The following NFIB variants were observed in gnomAD, a reference collection of about 807,000 sequenced individuals.
NFIB encodes nuclear factor I B.
A neutral mutation model predicts 61.5 loss-of-function variants in NFIB; 11 were observed. The observed-to-expected ratio is 0.18, with a 90% CI of 0.11 to 0.30. The LOEUF is 0.30. NFIB is among the 10% of genes least tolerant of loss of function. The pLI is 1.00. For missense variants in NFIB, 471 were observed against 608.9 expected (o/e 0.77, Z 2.38); for synonymous variants, 260 against 216.5 (o/e 1.20, Z -1.76).
chr9:14,458,323 A>C, the NFIB span, among the ~76,000 whole-genome samples: 1 of 152,246 alleles, frequency 6.6e-6, no homozygotes, highest in African/African-American at 2.4e-5. Flanking sequence ...ACTGCCCTTC[A>C]TGCTAAAAAC....
At chr9:14,129,139 C>G (rs773709909) in intron 6 of NFIB, among the ~76,000 whole-genome samples, 1 of 152,076 alleles carries the variant, frequency 6.6e-6, no homozygotes, top group Non-Finnish European at 1.5e-5. Context: ...GAACCACAAA[C>G]TCTTTCCTTA....
In NFIB at chr9:14,340,411, G is replaced by A. The variant is rs143994520; in HGVS notation, c.109-32891C>T. Among the ~76,000 whole-genome samples the A allele has an allele frequency of 6.1e-3, 922 of 152,228 alleles. 8 individuals carry two copies. The highest frequency in any genetic ancestry group is 9.4e-3 in the Admixed American group (143 of 15,284). Reference sequence around the variant, plus strand: ...AGGGGAACTTGTAAAAAAGAATACCGATGCCCACACCACACTCGTAGCAAT... The same window carrying A: ...AGGGGAACTTGTAAAAAAGAATACCAATGCCCACACCACACTCGTAGCAAT... On this transcript the variant is annotated intron_variant, in intron 1 of 8. Coordinates refer to the NFIB transcript ENST00000380934.
the NFIB span, among the ~76,000 whole-genome samples, chr9:14,449,641 A>G: frequency 1.3e-5 from 2 of 152,118 alleles, no homozygotes; most frequent in African/African-American, 4.8e-5. Flanking sequence ...AGACAAAAAT[A>G]TTTCTCGACC....
chr9:14,295,564 G>C (rs987291201), intron 2 of NFIB, among the ~76,000 whole-genome samples: 72 of 152,110 alleles, frequency 4.7e-4, no homozygotes, highest in African/African-American at 1.7e-3. Flanking sequence ...CCGGGAGGCG[G>C]AGCTTACAGT....
intron 2 of NFIB, chr9:14,204,605 A>G: frequency 1.1e-6 from 1 of 925,354 alleles, no homozygotes; most frequent in Non-Finnish European, 1.7e-6. Context: ...CCGGGCGGAG[A>G]AGAAAGCGCC....
chr9:14,295,016 T>A (rs1275735399), intron 2 of NFIB, among the ~76,000 whole-genome samples: 3 of 152,172 alleles, frequency 2.0e-5, no homozygotes, highest in Non-Finnish European at 4.4e-5. Context: ...AAATCACAGT[T>A]TCGTAAGAAG....
upstream of NFIB, among the ~76,000 whole-genome samples, chr9:14,315,488 C>T (rs1012057343): frequency 9.9e-4 from 146 of 147,156 alleles, no homozygotes; most frequent in Admixed American, 2.2e-3. Context: ...CGGAAAGCGT[C>T]TCCCTACCCG....
chr9:14,477,919 C>T, the NFIB span, among the ~76,000 whole-genome samples: 1 of 152,148 alleles, frequency 6.6e-6, no homozygotes, highest in Admixed American at 6.5e-5. Flanking sequence ...TGGCTGATGT[C>T]TTCCAGACCC....
intron 1 of NFIB, among the ~76,000 whole-genome samples, chr9:14,384,512 C>T (rs925342680): frequency 5.9e-5 from 9 of 152,176 alleles, no homozygotes; most frequent in African/African-American, 2.2e-4. Flanking sequence ...CTTTCCAAAC[C>T]TGATCCTTGC....
intron 3 of NFIB, among the ~76,000 whole-genome samples, chr9:14,178,055 C>T (rs56825695): frequency 9.5e-4 from 144 of 152,234 alleles, no homozygotes; most frequent in African/African-American, 3.3e-3. Context: ...CATTCAAATG[C>T]AGAAAACATA....
chr9:14,466,932 G>C, the NFIB span, among the ~76,000 whole-genome samples: 1 of 152,118 alleles, frequency 6.6e-6, no homozygotes, highest in Admixed American at 6.5e-5. Context: ...GCTGGGGTTA[G>C]GAAATTAAGA....
chr9:14,147,960 A>G (rs2042450559), intron 5 of NFIB, among the ~76,000 whole-genome samples: 1 of 152,062 alleles, frequency 6.6e-6, no homozygotes, highest in South Asian at 2.1e-4. Flanking sequence ...ACATTTTAAT[A>G]TGGAAATATG....
In NFIB at chr9:14,217,660, C is replaced by CAAAAAAAAAAAAAAAAAA. The variant is rs34055171; in HGVS notation, c.563-37898_563-37881dup. On this transcript the variant is annotated intron_variant, in intron 2 of 10. Coordinates refer to ENST00000380953, the MANE Select transcript of NFIB (RefSeq NM_001190737.2). ...GGGCAACAAGAGTGAAACTCCATCT[C>CAAAAAAAAAAAAAAAAAA]AAAAAAAAAAAAAAAAAAAAAGACA... Among the ~76,000 whole-genome samples, 157 of 81,470 alleles carry CAAAAAAAAAAAAAAAAAA rather than the reference C, an allele frequency of 1.9e-3. 1 individual carries two copies. Among genetic ancestry groups the CAAAAAAAAAAAAAAAAAA allele is most frequent in the East Asian group, 0.013 (23 of 1,832 alleles). The allele number at this position is 81,470 out of a possible 152,430, so 53.4% of individuals were successfully genotyped here. A position where few individuals can be genotyped will look rare whatever the true frequency, so the allele number is the denominator to read the frequency against.
chr9:14,336,819 T>C (rs953895772), intron 1 of NFIB, among the ~76,000 whole-genome samples: 1 of 152,194 alleles, frequency 6.6e-6, no homozygotes, highest in Non-Finnish European at 1.5e-5. Flanking sequence ...AATTTTTCAG[T>C]TGAAACTGGG....
At chr9:14,143,003 A>G (rs1021360040) in intron 6 of NFIB, among the ~76,000 whole-genome samples, 6 of 152,116 alleles carry the variant, frequency 3.9e-5, no homozygotes, top group Admixed American at 2.0e-4. Context: ...AATACTACAT[A>G]ATATAGATGC....
chr9:14,167,646 G>A (rs1414680939), intron 3 of NFIB, among the ~76,000 whole-genome samples: 12 of 152,298 alleles, frequency 7.9e-5, no homozygotes. Context: ...GACCTATAAA[G>A]AGTGGTTTCC....
the NFIB span, among the ~76,000 whole-genome samples, chr9:14,502,694 G>A: frequency 6.6e-6 from 1 of 152,038 alleles, no homozygotes; most frequent in Non-Finnish European, 1.5e-5. Context: ...GTTTCCTAGG[G>A]GGAAGTTTTA....
chr9:14,457,419 T>C, the NFIB span, among the ~76,000 whole-genome samples: 1 of 152,096 alleles, frequency 6.6e-6, no homozygotes, highest in South Asian at 2.1e-4. Context: ...AGGAAAGATC[T>C]AAAATTGACA....
chr9:14,110,350 C>A (rs1338496489), intron 10 of NFIB, among the ~76,000 whole-genome samples: 1 of 151,980 alleles, frequency 6.6e-6, no homozygotes, highest in East Asian at 1.9e-4. Context: ...CCACCATGAA[C>A]TGAAGAATGT....
Sources: allele counts gnomAD v4.1 joint callset (sites outside exome capture counted in the v4.1 genomes callset), GRCh38; gene constraint gnomAD v4.1.1; transcripts MANE v1.5; gene names NCBI Gene and HGNC (gene_info 2026-07-23, HGNC 2026-07-21).